The following PRKRA variants were observed in gnomAD, a reference collection of about 807,000 sequenced individuals.
PRKRA encodes the protein interferon-inducible double-stranded RNA-dependent protein kinase activator A.
Under a neutral mutation model 32.4 loss-of-function variants are expected in PRKRA, and 22 were observed. The ratio of observed to expected loss-of-function variants is 0.68; its 90% confidence interval spans 0.49 to 0.97. PRKRA has a LOEUF of 0.97. Among genes scored for constraint, PRKRA ranks in the 50% least tolerant of loss-of-function variants. The pLI is 0.00. For missense variants in PRKRA, 319 were observed against 375.6 expected (o/e 0.85, Z 1.25); for synonymous variants, 139 against 129.8 (o/e 1.07, Z -0.48).
intron 3 of PRKRA, among the ~76,000 whole-genome samples, chr2:178,444,980 AC>A (rs1697261730): frequency 6.6e-6 from 1 of 152,232 alleles, no homozygotes; most frequent in Non-Finnish European, 1.5e-5. Flanking sequence ...TATACAAAAA[AC>A]AGAAGAGTAA....
intron 4 of PRKRA, chr2:178,444,017 T>C (rs1339988016): frequency 5.6e-6 from 1 of 179,746 alleles, no homozygotes; most frequent in African/African-American, 2.4e-5. Context: ...AAATTTTTTT[T>C]TTTTGGTAGA....
chr2:178,438,903 T>C (rs1454394192), intron 6 of PRKRA: 1 of 152,182 alleles, frequency 6.6e-6, no homozygotes, highest in Non-Finnish European at 1.5e-5. Context: ...CAGAATGGTT[T>C]CTATCTCCTG....
chr2:178,435,365 A>AAGAGT (rs1559352155), intron 7 of PRKRA, among the ~76,000 whole-genome samples: 1 of 147,562 alleles, frequency 6.8e-6, no homozygotes, highest in Non-Finnish European at 1.5e-5. Flanking sequence ...CCTGGGCAAC[A>AAGAGT]GAAACAATAC....
chr2:178,436,068 C>T lies in PRKRA; in HGVS notation c.784+77G>A, dbSNP rs548552269. 2.8e-4 allele frequency: 296 copies of T among 1,064,390 alleles called. No homozygotes were observed. In the African/African-American group the frequency reaches 5.0e-3, roughly 18 times the overall value. 65.9% of individuals were successfully genotyped at this position (1,064,390 alleles called of 1,614,324 possible). On this transcript the variant is annotated intron_variant, in intron 7 of 7. Transcript: ENST00000325748. ...TAAATTGTAATAGAAATTTTTATTC[C>T]TCAAACACATTTTTGTTCCTCAAAC...
At chr2:178,449,568 G>A (rs2154125519) in intron 2 of PRKRA, among the ~76,000 whole-genome samples, 1 of 152,314 alleles carries the variant, frequency 6.6e-6, no homozygotes, top group South Asian at 2.1e-4. Flanking sequence ...ATTTGCTCAA[G>A]CTCACAGACC....
chr2:178,447,513 T>C lies in PRKRA; in HGVS notation c.309A>G (p.Ala103=). Reference sequence around the variant, plus strand: ...AAAGAAATTTAGCTCACCAAATACTTGCATTGGCTTTCAAAATGTTTATGG... The same window carrying C: ...AAAGAAATTTAGCTCACCAAATACTCGCATTGGCTTTCAAAATGTTTATGG... The part of the protein sequence containing the change: ...EAAINILKAN[A]SICFAVPDPL... Residue 103 remains alanine, a synonymous_variant, in exon 3 of 8, where the codon GCA becomes GCG. Transcript: ENST00000325748. 6.2e-7 allele frequency: 1 copy of C among 1,614,164 alleles called. No homozygotes were observed. Among genetic ancestry groups the C allele is most frequent in the Non-Finnish European group, 8.5e-7 (1 of 1,179,976 alleles).
intron 2 of PRKRA, among the ~76,000 whole-genome samples, chr2:178,449,553 T>C (rs1302974086): frequency 6.6e-6 from 1 of 152,214 alleles, no homozygotes; most frequent in East Asian, 1.9e-4. Context: ...GCAACTTTAG[T>C]TATCATTTGC....
At chr2:178,443,430 T>G (rs781369693) in intron 4 of PRKRA, 46 bp from the exon 5 acceptor site, 2 of 697,088 alleles carry the variant, frequency 2.9e-6, no homozygotes, top group South Asian at 3.5e-5. Context: ...ATGCAATGGC[T>G]CAATCACATA....
At chr2:178,437,641 C>T (rs1696952604) in intron 6 of PRKRA, among the ~76,000 whole-genome samples, 1 of 152,104 alleles carries the variant, frequency 6.6e-6, no homozygotes, top group Non-Finnish European at 1.5e-5. Flanking sequence ...ATAAATACTT[C>T]CAAACTGATT....
chr2:178,437,181 AC>A lies in PRKRA; in HGVS notation c.610-863del, dbSNP rs570755554. Among the ~76,000 whole-genome samples the A allele has an allele frequency of 3.4e-3, 522 of 152,342 alleles. 2 individuals are homozygous for A. The highest frequency in any genetic ancestry group is 0.012 in the African/African-American group (498 of 41,590). ...TATTAGATTTACCAAATAAAAATTT[AC>A]ATTATAGAAACTTTAAAATACTGTT... On this transcript the variant is annotated intron_variant, in intron 6 of 7. Transcript: ENST00000325748.
chr2:178,445,470 G>A (rs1033371939), intron 3 of PRKRA: 3 of 154,276 alleles, frequency 1.9e-5, no homozygotes, highest in Non-Finnish European at 1.5e-5. Context: ...ATGGAGAAGT[G>A]AGAAAGTCTC....
chr2:178,444,870 G>C (rs888280125), intron 3 of PRKRA, among the ~76,000 whole-genome samples: 1 of 152,172 alleles, frequency 6.6e-6, no homozygotes, highest in Non-Finnish European at 1.5e-5. Flanking sequence ...TAAGCTCCTT[G>C]AGGTAGGGCC....
intron 5 of PRKRA, among the ~76,000 whole-genome samples, chr2:178,442,096 G>C (rs1293528141): frequency 1.3e-5 from 2 of 152,008 alleles, no homozygotes; most frequent in South Asian, 4.2e-4. Flanking sequence ...TGTTGGCCAG[G>C]CTGGTCTCAA....
rs184436836 is a variant in PRKRA, at chr2:178,444,127, C to A, written c.396+295G>T. 1.9e-4 allele frequency: 54 copies of A among 287,862 alleles called. No individual in the cohort carries two copies. The East Asian group carries it at 4.0e-3, about 21-fold the overall frequency. The allele number at this position is 287,862 out of a possible 1,614,324, so 17.8% of individuals were successfully genotyped here. On this transcript the variant is annotated intron_variant, in intron 4 of 7. Coordinates refer to ENST00000325748, the MANE Select transcript of PRKRA (RefSeq NM_003690.5). The stretch of plus-strand genomic sequence containing the variant: ...AACAGAAGTAGAAAGAGATTTGTCA[C>A]AAGAGTAGCAAGAACTATTCTTAAA...
chr2:178,435,403 A>G (rs996241011), intron 7 of PRKRA, among the ~76,000 whole-genome samples: 4 of 151,596 alleles, frequency 2.6e-5, no homozygotes, highest in African/African-American at 7.3e-5. Flanking sequence ...AAAAAAAAAA[A>G]AAAATCAAGA....
chr2:178,447,204 TA>T (rs1308985366), intron 3 of PRKRA: 2 of 316,018 alleles, frequency 6.3e-6, no homozygotes, highest in Admixed American at 4.6e-5. Context: ...AATCAAAGTC[TA>T]AATACAAAAT....
At chr2:178,435,336 T>C (rs765534505) in intron 7 of PRKRA, among the ~76,000 whole-genome samples, 9 of 145,200 alleles carry the variant, frequency 6.2e-5, no homozygotes, top group Non-Finnish European at 1.0e-4. Flanking sequence ...TGAGTTGAGA[T>C]TGTGCCACTG....
chr2:178,432,091 C>G lies in PRKRA; in HGVS notation c.*6G>C. 2 of 1,614,074 alleles carry G rather than the reference C, an allele frequency of 1.2e-6. No homozygotes were observed. Among genetic ancestry groups the G allele is most frequent in the Non-Finnish European group, 1.7e-6 (2 of 1,179,988 alleles). ...CTACTGAAAGATTTTTTAAGTTGCT[C>G]CAGATTTACTTTCTTTCTGCTATTA... On this transcript the variant is annotated 3_prime_UTR_variant, in exon 8 of 8. Transcript: ENST00000325748.
At chr2:178,439,863 T>C (rs964591185) in intron 6 of PRKRA, 4 of 152,182 alleles carry the variant, frequency 2.6e-5, no homozygotes, top group Non-Finnish European at 5.9e-5. Flanking sequence ...AACCTTGAAA[T>C]AGTCTTAGTT....
Sources: gnomAD v4.1 joint callset for allele counts (sites outside exome capture counted in the v4.1 genomes callset) on GRCh38, gnomAD v4.1.1 for gene constraint, MANE v1.5 for transcripts, NCBI Gene and HGNC (gene_info 2026-07-23, HGNC 2026-07-21) for gene names.